SEC22C: variants seen among roughly 807,000 people sequenced by gnomAD.
SEC22C encodes the protein SEC22 homolog C, vesicle trafficking protein.
A neutral mutation model predicts 34.7 loss-of-function variants in SEC22C; 29 were observed. The ratio of observed to expected loss-of-function variants is 0.84; its 90% CI spans 0.62 to 1.14. SEC22C has a LOEUF of 1.14. SEC22C is among the 50% of genes most tolerant of loss of function. The pLI is 0.00. For synonymous variants in SEC22C, 117 were observed against 132.8 expected (o/e 0.88, Z 0.82); for missense variants, 337 against 369.0 (o/e 0.91, Z 0.71).
In SEC22C at chr3:42,552,401, ATCCATGT is replaced by A; in HGVS notation, c.*840_*846del. 1 of 985,438 alleles carries A rather than the reference ATCCATGT, an allele frequency of 1.0e-6. No homozygotes were observed. Among genetic ancestry groups the A allele is most frequent in the Non-Finnish European group, 1.2e-6 (1 of 829,922 alleles). The allele number at this position is 985,438 out of a possible 1,614,324, so 61.0% of individuals were successfully genotyped here. On this transcript the variant is annotated 3_prime_UTR_variant, in exon 7 of 7. Coordinates refer to ENST00000264454, the MANE Select transcript of SEC22C (RefSeq NM_032970.4). ...AAGCGGATCTGTAAAGTGCCACTGA[ATCCATGT>A]TCATTCACCTACTCCAGGTTGTGGT...
chr3:42,566,550 G>T (rs1406467491), intron 2 of SEC22C, among the ~76,000 whole-genome samples: 1 of 152,006 alleles, frequency 6.6e-6, no homozygotes, highest in Non-Finnish European at 1.5e-5. Context: ...GTGGTGGTGG[G>T]CACCTGTAGT....
At position 42,581,928 on chromosome 3, in the gene SEC22C, T is replaced by TCGGCCCAGGTCACCGG. The variant is rs1292563259; in HGVS notation, c.-126_-111dup. The TCGGCCCAGGTCACCGG allele has an allele frequency of 6.6e-4, 101 of 152,358 alleles. No individual in the cohort carries two copies. The highest frequency in any genetic ancestry group is 2.2e-3 in the African/African-American group (93 of 41,558). The allele number at this position is 152,358 out of a possible 1,614,324, so 9.4% of individuals were successfully genotyped here. A position where few individuals can be genotyped will look rare whatever the true frequency, so the allele number is the denominator to read the frequency against. ...AGCAATCTTAGCCGACCGGGAGGGC[T>TCGGCCCAGGTCACCGG]CGGCCCAGGTCACCGGCAGCCCAGG... On this transcript the variant is annotated 5_prime_UTR_variant, in exon 1 of 7. Transcript: ENST00000264454.
chr3:42,582,380 G>A (rs1466019833), upstream of SEC22C: 1 of 152,430 alleles, frequency 6.6e-6, no homozygotes, highest in African/African-American at 2.4e-5. Flanking sequence ...CGGGAGGCCC[G>A]AGATAGGCAA....
chr3:42,599,278 T>C (rs1705166857), intron 1 of SEC22C, among the ~76,000 whole-genome samples: 1 of 151,332 alleles, frequency 6.6e-6, no homozygotes. Flanking sequence ...TAATGTGTAT[T>C]TTATAGTTTA....
intron 1 of SEC22C, chr3:42,591,197 T>G: frequency 1.8e-6 from 1 of 560,966 alleles, no homozygotes; most frequent in Non-Finnish European, 3.1e-6. Flanking sequence ...TAACCCTTTC[T>G]CTCCTTTTTT....
At chr3:42,564,734 G>GA (rs1703130580) in intron 2 of SEC22C, among the ~76,000 whole-genome samples, 1 of 152,138 alleles carries the variant, frequency 6.6e-6, no homozygotes, top group Admixed American at 6.5e-5. Context: ...GGCCTGACAA[G>GA]AACTTTCCTT....
chr3:42,551,743 T>C lies in SEC22C; in HGVS notation c.*1505A>G. The stretch of plus-strand genomic sequence containing the variant: ...ACATAGTTCCCAGTATATAAACTTA[T>C]TTTTCTTAAAATGATAACAAGGTAG... On this transcript the variant is annotated 3_prime_UTR_variant, in exon 7 of 7. Transcript: ENST00000264454. 1.0e-6 allele frequency: 1 copy of C among 967,390 alleles called. No homozygotes were observed. The highest frequency in any genetic ancestry group is 1.2e-6 in the Non-Finnish European group (1 of 813,566). 59.9% of individuals were successfully genotyped at this position (967,390 alleles called of 1,614,324 possible).
intron 1 of SEC22C, chr3:42,580,525 G>A (rs1317158759): frequency 6.6e-6 from 1 of 152,188 alleles, no homozygotes; most frequent in African/African-American, 2.4e-5. Flanking sequence ...GGAGTGAAGA[G>A]GAGGGTAGAG....
In SEC22C at chr3:42,549,851, A is replaced by G; in HGVS notation, c.*3397T>C. Reference sequence around the variant, plus strand: ...AAATGTTTTAATTCCAGCATTCTCCAGAGTTCACAGAAAAGAGGGATGCAA... The same window carrying G: ...AAATGTTTTAATTCCAGCATTCTCCGGAGTTCACAGAAAAGAGGGATGCAA... On this transcript the variant is annotated 3_prime_UTR_variant, in exon 7 of 7. Coordinates refer to ENST00000264454, the MANE Select transcript of SEC22C (RefSeq NM_032970.4). 1 of 985,460 alleles carries G rather than the reference A, an allele frequency of 1.0e-6. No homozygotes were observed. The allele number at this position is 985,460 out of a possible 1,614,324, so 61.0% of individuals were successfully genotyped here.
At chr3:42,591,707 C>A in intron 1 of SEC22C, 1 of 825,430 alleles carries the variant, frequency 1.2e-6, no homozygotes, top group Non-Finnish European at 2.1e-6. Flanking sequence ...CGCAGTTAAG[C>A]CCCTCTTTGA....
intron 5 of SEC22C, among the ~76,000 whole-genome samples, chr3:42,557,272 A>T (rs945092816): frequency 6.6e-5 from 10 of 152,164 alleles, no homozygotes; most frequent in Admixed American, 1.3e-4. Context: ...GTCCTGGGTA[A>T]ATAATCCAGT....
At position 42,553,070 on chromosome 3, in the gene SEC22C, T is replaced by A; in HGVS notation, c.*178A>T. ...GTAATGCTTGGCACAGAACCAAGGC[T>A]GGGTATCAAGCAACCTCATGACTTC... On this transcript the variant is annotated 3_prime_UTR_variant, in exon 7 of 7. Coordinates refer to ENST00000264454, the MANE Select transcript of SEC22C (RefSeq NM_032970.4). The A allele has an allele frequency of 1.4e-6, 2 of 1,434,482 alleles. No individual in the cohort carries two copies. The highest frequency in any genetic ancestry group is 1.8e-6 in the Non-Finnish European group (2 of 1,100,914). The allele number at this position is 1,434,482 out of a possible 1,614,324, so 88.9% of individuals were successfully genotyped here. A position where few individuals can be genotyped will look rare whatever the true frequency, so the allele number is the denominator to read the frequency against.
In SEC22C at chr3:42,578,790, T is replaced by A. The variant is rs9869491; in HGVS notation, c.-28+3056A>T. Among the ~76,000 whole-genome samples, 580 of 152,340 alleles carry A rather than the reference T, an allele frequency of 3.8e-3. 3 individuals are homozygous for A. The highest frequency in any genetic ancestry group is 0.013 in the African/African-American group (560 of 41,570). On this transcript the variant is annotated intron_variant, in intron 1 of 6. Coordinates refer to ENST00000264454, the MANE Select transcript of SEC22C (RefSeq NM_032970.4). ...TTATGCTAATACTTTTTTGTTTAAATATAATTTTTAAATATCCCCACCAAT... is the reference window on the plus strand; with the variant it reads ...TTATGCTAATACTTTTTTGTTTAAAAATAATTTTTAAATATCCCCACCAAT...
rs1478339241 is a variant in SEC22C at position 42,555,990 on chromosome 3, G to C, written c.651C>G (p.Ala217=). Residue 217 remains alanine, a synonymous_variant, in exon 6 of 7, where the codon GCC becomes GCG. Coordinates refer to ENST00000264454, the MANE Select transcript of SEC22C (RefSeq NM_032970.4). Reference sequence around the variant, plus strand: ...CCAGAATGTTTCCAATTTCCTCATGGGCAACCTAAAACAAATACAAGGAAC... The same window carrying C: ...CCAGAATGTTTCCAATTTCCTCATGCGCAACCTAAAACAAATACAAGGAAC... ...VHLAEHSLQV[A]HEEIGNILAF... is the part of the protein sequence containing the mutation. 1 of 1,612,562 alleles carries C rather than the reference G, an allele frequency of 6.2e-7. No homozygotes were observed. Among genetic ancestry groups the C allele is most frequent in the Non-Finnish European group, 8.5e-7 (1 of 1,178,996 alleles).
At chr3:42,569,119 G>T in intron 1 of SEC22C, 46 bp from the exon 2 acceptor site, 2 of 1,285,764 alleles carry the variant, frequency 1.6e-6, no homozygotes, top group Non-Finnish European at 2.2e-6. Flanking sequence ...AAATGACAGT[G>T]CCAGAAATAC....
chr3:42,600,888 A>G, intron 1 of SEC22C: 1 of 721,414 alleles, frequency 1.4e-6, no homozygotes, highest in Non-Finnish European at 2.0e-6. Context: ...GGCGTGAGGC[A>G]CCGTGGCGCG....
intron 1 of SEC22C, chr3:42,600,296 A>G (rs1269203560): frequency 6.6e-6 from 1 of 152,254 alleles, no homozygotes; most frequent in Non-Finnish European, 1.5e-5. Flanking sequence ...ACACAGAGCA[A>G]CACAACGTCT....
intron 1 of SEC22C, among the ~76,000 whole-genome samples, chr3:42,596,705 GAATAA>G (rs928830410): frequency 6.6e-6 from 1 of 152,064 alleles, no homozygotes; most frequent in African/African-American, 2.4e-5. Flanking sequence ...TCACAAGACA[GAATAA>G]AATAATCTTT....
chr3:42,569,174 TTACTA>T (rs1405188692), intron 1 of SEC22C, 101 bp from the exon 2 acceptor site: 1 of 709,642 alleles, frequency 1.4e-6, no homozygotes, highest in Non-Finnish European at 2.4e-6. Flanking sequence ...ACCCTCATTC[TTACTA>T]TAATTGCAAA....
Sources: allele counts gnomAD v4.1 joint callset (sites outside exome capture counted in the v4.1 genomes callset), GRCh38; gene constraint gnomAD v4.1.1; transcripts MANE v1.5; gene names NCBI Gene and HGNC (gene_info 2026-07-23, HGNC 2026-07-21).